The following NAALADL2 variants were observed in gnomAD, a reference collection of about 807,000 sequenced individuals.
NAALADL2 encodes the protein N-acetylated alpha-linked acidic dipeptidase like 2, also known as inactive N-acetylated-alpha-linked acidic dipeptidase-like protein 2.
NAALADL2 carries 76 observed loss-of-function variants against 87.2 expected under a neutral mutation model. The ratio of observed to expected loss-of-function variants is 0.87; its 90% CI spans 0.72 to 1.05. NAALADL2 has a LOEUF of 1.05. NAALADL2 is among the 50% of genes least tolerant of loss of function. The probability of loss-of-function intolerance (pLI) is 0.00; values close to 1 mark genes in which losing one functional copy is unlikely to be tolerated. For synonymous variants in NAALADL2, 354 were observed against 331.0 expected, an observed-to-expected ratio of 1.07 and a Z score of -0.75; for missense variants, 1,089 against 945.8, an observed-to-expected ratio of 1.15 and a Z score of -1.99.
At chr3:174,660,869 G>A (rs1322175864) in intron 2 of NAALADL2, among the ~76,000 whole-genome samples, 1 of 152,002 alleles carries the variant, frequency 6.6e-6, no homozygotes, top group African/African-American at 2.4e-5. Flanking sequence ...AATATAATTA[G>A]TTTGTCCTAA....
chr3:174,761,089 A>G (rs185293064), intron 3 of NAALADL2, among the ~76,000 whole-genome samples: 1 of 152,314 alleles, frequency 6.6e-6, no homozygotes, highest in African/African-American at 2.4e-5. Flanking sequence ...CCTGTAGTCT[A>G]TTCCCTAGTC....
At chr3:175,061,846 G>C (rs762108852) in intron 1 of NAALADL2, among the ~76,000 whole-genome samples, 9 of 151,412 alleles carry the variant, frequency 5.9e-5, no homozygotes, top group Non-Finnish European at 1.2e-4. Flanking sequence ...GTTGTACTAA[G>C]GAAAGTCTTG....
chr3:175,037,356 G>T (rs149495105), intron 1 of NAALADL2, among the ~76,000 whole-genome samples: 1 of 152,146 alleles, frequency 6.6e-6, no homozygotes, highest in African/African-American at 2.4e-5. Flanking sequence ...GGGAAAGAGG[G>T]CTTCATACCT....
At chr3:175,787,583 G>T (rs868389577) in intron 13 of NAALADL2, among the ~76,000 whole-genome samples, 18 of 152,038 alleles carry the variant, frequency 1.2e-4, no homozygotes, top group Non-Finnish European at 2.5e-4. Flanking sequence ...CGCACGGTGC[G>T]CGCACCCACT....
At chr3:175,368,922 C>G (rs1766062856) in intron 5 of NAALADL2, among the ~76,000 whole-genome samples, 1 of 152,062 alleles carries the variant, frequency 6.6e-6, no homozygotes, top group Non-Finnish European at 1.5e-5. Flanking sequence ...ATTGCCACCC[C>G]TGTATAGGGC....
chr3:174,877,483 A>G (rs1256262185), intron 1 of NAALADL2, among the ~76,000 whole-genome samples: 1 of 152,096 alleles, frequency 6.6e-6, no homozygotes, highest in Non-Finnish European at 1.5e-5. Flanking sequence ...AGGCTCTCAC[A>G]TCTCTGCCAT....
chr3:175,347,229 G>T (rs111565106), intron 5 of NAALADL2, among the ~76,000 whole-genome samples: 1 of 152,254 alleles, frequency 6.6e-6, no homozygotes, highest in Non-Finnish European at 1.5e-5. Context: ...GTCAAGTGGT[G>T]AATTCAGCCA....
In NAALADL2 at chr3:174,898,112, C is replaced by CAAAAAAAAAAAAAA; in HGVS notation, c.43+38680_43+38693dup. On this transcript the variant is annotated intron_variant, in intron 1 of 13. Coordinates refer to ENST00000454872, the MANE Select transcript of NAALADL2 (RefSeq NM_207015.3). ...TGGGTGACAGAGCGAGACTCCGTCT[C>CAAAAAAAAAAAAAA]AAAAAAAAAAAAAAAAAAAAAAAAA... Among the ~76,000 whole-genome samples the CAAAAAAAAAAAAAA allele has an allele frequency of 5.3e-3, 77 of 14,494 alleles. 2 individuals are homozygous for CAAAAAAAAAAAAAA. The highest frequency in any genetic ancestry group is 5.5e-3 in the Non-Finnish European group (47 of 8,486). 9.5% of individuals were successfully genotyped at this position (14,494 alleles called of 152,430 possible).
chr3:175,365,787 T>G (rs1313390694), intron 5 of NAALADL2, among the ~76,000 whole-genome samples: 1 of 147,652 alleles, frequency 6.8e-6, no homozygotes, highest in Non-Finnish European at 1.5e-5. Flanking sequence ...ATTTATAATT[T>G]TGCAAAATAT....
intron 9 of NAALADL2, among the ~76,000 whole-genome samples, chr3:175,565,800 T>G (rs1717009728): frequency 6.6e-6 from 1 of 150,522 alleles, no homozygotes; most frequent in Non-Finnish European, 1.5e-5. Flanking sequence ...TTATTCCCTA[T>G]GTCCAAACAA....
intron 9 of NAALADL2, among the ~76,000 whole-genome samples, chr3:175,548,126 A>G (rs1713689669): frequency 1.3e-5 from 2 of 152,044 alleles, no homozygotes; most frequent in South Asian, 2.1e-4. Flanking sequence ...ACAAAATTCA[A>G]CATAGCAAAG....
chr3:175,666,335 A>G (rs1328087373), intron 11 of NAALADL2, among the ~76,000 whole-genome samples: 1 of 152,184 alleles, frequency 6.6e-6, no homozygotes, highest in Non-Finnish European at 1.5e-5. Flanking sequence ...AGAGTCATCA[A>G]TCAAATACCC....
intron 1 of NAALADL2, among the ~76,000 whole-genome samples, chr3:174,972,025 T>C (rs1356212961): frequency 6.6e-6 from 1 of 152,082 alleles, no homozygotes; most frequent in East Asian, 1.9e-4. Context: ...CATAACATAC[T>C]AAATTTGAGT....
At chr3:175,355,556 A>T (rs2148890807) in intron 5 of NAALADL2, among the ~76,000 whole-genome samples, 1 of 152,294 alleles carries the variant, frequency 6.6e-6, no homozygotes, top group East Asian at 1.9e-4. Context: ...AAAATTCTTG[A>T]GTCTCAGCTT....
At chr3:174,466,385 AC>A (rs1283702771) in intron 1 of NAALADL2, among the ~76,000 whole-genome samples, 2 of 149,730 alleles carry the variant, frequency 1.3e-5, no homozygotes, top group Admixed American at 6.8e-5. Flanking sequence ...AAAAGATTGG[AC>A]CCCCCCTGGG....
At chr3:174,840,139 G>GATAT (rs547886171) in intron 3 of NAALADL2, among the ~76,000 whole-genome samples, 3 of 150,836 alleles carry the variant, frequency 2.0e-5, no homozygotes, top group South Asian at 2.1e-4. Context: ...AAGAAACTGT[G>GATAT]ATATATATAT....
rs561436080 is a variant in NAALADL2 at position 175,672,781 on chromosome 3, C to T, written c.1896+45395C>T. Among the ~76,000 whole-genome samples the T allele has an allele frequency of 1.4e-4, 21 of 152,214 alleles. 1 individual carries two copies. The South Asian group carries it at 4.1e-3, about 30-fold the overall frequency. The stretch of plus-strand genomic sequence containing the variant: ...ATATTTTCTGTTTAGACTGTATTGG[C>T]ATTATTAGTGACTCTCGGATTTTGT... On this transcript the variant is annotated intron_variant, in intron 11 of 13. Transcript: ENST00000454872.
rs540603702 is a variant in NAALADL2 at position 175,468,451 on chromosome 3, A to G, written c.1533+1267A>G. On this transcript the variant is annotated intron_variant, in intron 8 of 13. Transcript: ENST00000454872. Reference sequence around the variant, plus strand: ...CTTTAAAGATTGGTAAACAAGTTAAAGAACAGTTTAGGGAATATGTTTGTA... The same window carrying G: ...CTTTAAAGATTGGTAAACAAGTTAAGGAACAGTTTAGGGAATATGTTTGTA... 1.3e-3 allele frequency among the ~76,000 whole-genome samples: 201 copies of G among 152,230 alleles called. 2 individuals are homozygous for G. Among genetic ancestry groups the G allele is most frequent in the African/African-American group, 4.8e-3 (199 of 41,586 alleles).
chr3:174,468,707 A>G (rs1335974559), intron 1 of NAALADL2, among the ~76,000 whole-genome samples: 1 of 149,368 alleles, frequency 6.7e-6, no homozygotes, highest in Non-Finnish European at 1.5e-5. Context: ...TAAGGCTAAA[A>G]TATACCCAGA....
Sources: allele counts gnomAD v4.1 joint callset (sites outside exome capture counted in the v4.1 genomes callset), GRCh38; gene constraint gnomAD v4.1.1; transcripts MANE v1.5; gene names NCBI Gene and HGNC (gene_info 2026-07-23, HGNC 2026-07-21).